The following MAPRE2 variants were observed in gnomAD, a reference collection of about 807,000 sequenced individuals.
MAPRE2 encodes the protein microtubule-associated protein RP/EB family member 2.
In MAPRE2, 13 loss-of-function variants were observed where a neutral mutation model predicts 43.2. The observed-to-expected ratio is 0.30, with a 90% confidence interval of 0.20 to 0.48. The LOEUF (loss-of-function observed/expected upper bound fraction) is 0.48. Ranked by LOEUF, MAPRE2 falls within the 20% of genes least tolerant of loss-of-function variation. The pLI, the probability that MAPRE2 is intolerant of heterozygous loss-of-function variation, is 0.99. For synonymous variants in MAPRE2, 135 were observed against 148.8 expected (o/e 0.91, Z 0.68); for missense variants, 161 against 400.2 (o/e 0.40, Z 5.10).
intron 2 of MAPRE2, among the ~76,000 whole-genome samples, chr18:35,031,190 G>A (rs1228405970): frequency 6.6e-6 from 1 of 152,168 alleles, no homozygotes; most frequent in African/African-American, 2.4e-5. Context: ...ACACTCAAGT[G>A]TAAGTTCAGG....
chr18:35,080,394 A>C (rs1359929588), intron 2 of MAPRE2, among the ~76,000 whole-genome samples: 1 of 152,232 alleles, frequency 6.6e-6, no homozygotes, highest in Non-Finnish European at 1.5e-5. Context: ...TGACAGGTCT[A>C]TTCAGAGAGA....
intron 2 of MAPRE2, among the ~76,000 whole-genome samples, chr18:35,023,199 A>C (rs1478950668): frequency 6.6e-6 from 1 of 152,160 alleles, no homozygotes; most frequent in Non-Finnish European, 1.5e-5. Context: ...AATTTTTAAC[A>C]TGTGTCTGTC....
At chr18:35,060,287 C>T (rs1484460205) in intron 1 of MAPRE2, among the ~76,000 whole-genome samples, 1 of 151,992 alleles carries the variant, frequency 6.6e-6, no homozygotes, top group South Asian at 2.1e-4. Context: ...GTGCTGGGAG[C>T]TGAGTTGGCG....
intron 6 of MAPRE2, among the ~76,000 whole-genome samples, chr18:35,134,589 A>G (rs1254901560): frequency 1.3e-5 from 2 of 152,232 alleles, no homozygotes; most frequent in African/African-American, 4.8e-5. Flanking sequence ...ACCATGGAGC[A>G]GGGAGGAAAC....
At chr18:35,133,299 T>C (rs769133155) in intron 6 of MAPRE2, among the ~76,000 whole-genome samples, 1 of 152,192 alleles carries the variant, frequency 6.6e-6, no homozygotes, top group African/African-American at 2.4e-5. Flanking sequence ...TTAAATTATT[T>C]ATTGGTTATC....
Position 34,986,072 on chromosome 18 carries a change from G to A in MAPRE2, c.-70+8993G>A, listed in dbSNP as rs548422448. ...AAACATCATGGCAGGAATGACTATC[G>A]GTATTTGAAGTAGGTAGGAGGTAGG... is the stretch of plus-strand genomic sequence containing the variant. On this transcript the variant is annotated intron_variant, in intron 1 of 7. Transcript: ENST00000413393. 1.9e-4 allele frequency among the ~76,000 whole-genome samples: 29 copies of A among 151,978 alleles called. No individual in the cohort carries two copies. The South Asian group carries it at 2.5e-3, about 13-fold the overall frequency.
At chr18:35,070,393 C>T (rs1225479514) in intron 2 of MAPRE2, 71 bp downstream of exon 2, 3 of 1,338,350 alleles carry the variant, frequency 2.2e-6, no homozygotes, top group Non-Finnish European at 3.0e-6. Context: ...TTTTATGAAC[C>T]ACAGCTGCTA....
intron 2 of MAPRE2, among the ~76,000 whole-genome samples, chr18:35,033,966 C>A (rs559970295): frequency 5.3e-5 from 8 of 150,092 alleles, no homozygotes; most frequent in African/African-American, 2.0e-4. Flanking sequence ...TCAATGCCAT[C>A]CCCATCAAGC....
Position 35,063,224 on chromosome 18 carries a change from C to T in MAPRE2, c.123-6971C>T, listed in dbSNP as rs867479039. ...GTTCACGCCATTCTCCTGCCTCAGC[C>T]TCCTGAGTAGCTGGGACTACAGGCG... is the stretch of plus-strand genomic sequence containing the variant. On this transcript the variant is annotated intron_variant, in intron 1 of 6. Coordinates refer to ENST00000300249, the MANE Select transcript of MAPRE2 (RefSeq NM_014268.4). Among the ~76,000 whole-genome samples, 18 of 152,264 alleles carry T rather than the reference C, an allele frequency of 1.2e-4. No individual in the cohort carries two copies. In the Middle Eastern group the frequency reaches 0.014, roughly 115 times the overall value.
chr18:35,087,544 A>G (rs1176417370), intron 2 of MAPRE2, among the ~76,000 whole-genome samples: 4 of 152,184 alleles, frequency 2.6e-5, no homozygotes, highest in Non-Finnish European at 5.9e-5. Context: ...AATTTTTAGC[A>G]ACTCTTCTCA....
chr18:35,103,155 A>T (rs900681883), intron 4 of MAPRE2, among the ~76,000 whole-genome samples: 7 of 152,102 alleles, frequency 4.6e-5, no homozygotes, highest in Non-Finnish European at 1.0e-4. Context: ...ACTTTTTGAA[A>T]TTTTTTTAAT....
At chr18:35,134,735 G>A (rs1234055984) in intron 6 of MAPRE2, among the ~76,000 whole-genome samples, 4 of 152,140 alleles carry the variant, frequency 2.6e-5, no homozygotes, top group African/African-American at 4.8e-5. Flanking sequence ...CCCTTACCTC[G>A]TTTTGTTGAT....
intron 1 of MAPRE2, among the ~76,000 whole-genome samples, chr18:34,977,671 A>G (rs2097013951): frequency 6.6e-6 from 1 of 151,896 alleles, no homozygotes. Context: ...GCCGGCCACC[A>G]TCCGCGCTCC....
At chr18:35,010,318 A>G (rs1603389679) in intron 2 of MAPRE2, among the ~76,000 whole-genome samples, 1 of 152,232 alleles carries the variant, frequency 6.6e-6, no homozygotes. Flanking sequence ...AAGCAGGCAG[A>G]TCCCTTGAAT....
At chr18:35,003,452 A>G (rs982137664) in intron 1 of MAPRE2, among the ~76,000 whole-genome samples, 1 of 152,226 alleles carries the variant, frequency 6.6e-6, no homozygotes, top group Non-Finnish European at 1.5e-5. Context: ...ATAATAAGAT[A>G]GTTTTGAGGA....
chr18:35,113,980 T>C (rs1909295767), intron 4 of MAPRE2, among the ~76,000 whole-genome samples: 1 of 152,204 alleles, frequency 6.6e-6, no homozygotes, highest in African/African-American at 2.4e-5. Context: ...CCTAAGAACT[T>C]AATATGTATT....
chr18:35,037,930 G>A (rs537066311), upstream of MAPRE2, among the ~76,000 whole-genome samples: 28 of 152,290 alleles, frequency 1.8e-4, no homozygotes, highest in African/African-American at 6.3e-4. Flanking sequence ...GGGGCCTCCT[G>A]GTCTCATGCT....
At chr18:35,116,435 C>G (rs552962351) in intron 4 of MAPRE2, among the ~76,000 whole-genome samples, 1 of 152,178 alleles carries the variant, frequency 6.6e-6, no homozygotes, top group African/African-American at 2.4e-5. Context: ...AAAGTCCAGG[C>G]ACAACTTAGC....
intron 2 of MAPRE2, among the ~76,000 whole-genome samples, chr18:35,025,595 T>G (rs1270215822): frequency 6.6e-6 from 1 of 152,210 alleles, no homozygotes; most frequent in Non-Finnish European, 1.5e-5. Context: ...GGACAGGGAC[T>G]CAGAGGTAAC....
Sources: gnomAD v4.1 joint callset for allele counts (sites outside exome capture counted in the v4.1 genomes callset) on GRCh38, gnomAD v4.1.1 for gene constraint, MANE v1.5 for transcripts, NCBI Gene and HGNC (gene_info 2026-07-23, HGNC 2026-07-21) for gene names.